The following SPIDR variants were observed in gnomAD, a reference collection of about 807,000 sequenced individuals.
SPIDR encodes DNA repair-scaffolding protein.
Under a neutral mutation model 104.6 loss-of-function variants are expected in SPIDR, and 93 were observed. The observed-to-expected ratio is 0.89, with a 90% CI of 0.75 to 1.06. The LOEUF (loss-of-function observed/expected upper bound fraction) is 1.06. SPIDR is among the 50% of genes least tolerant of loss of function. The pLI, the probability that SPIDR is intolerant of heterozygous loss-of-function variation, is 0.00. For missense variants in SPIDR, 1,154 were observed against 1,111.2 expected (o/e 1.04, Z -0.55); for synonymous variants, 431 against 416.9 (o/e 1.03, Z -0.41).
intron 5 of SPIDR, among the ~76,000 whole-genome samples, chr8:47,383,795 A>T (rs907136691): frequency 6.6e-6 from 1 of 152,184 alleles, no homozygotes; most frequent in African/African-American, 2.4e-5. Context: ...GTAAAACTAT[A>T]TATTTGTGTT....
At chr8:47,614,993 C>T (rs2064103315) in intron 10 of SPIDR, among the ~76,000 whole-genome samples, 1 of 151,986 alleles carries the variant, frequency 6.6e-6, no homozygotes, top group African/African-American at 2.4e-5. Context: ...AATATACATG[C>T]TTTGCGAAAT....
At chr8:47,607,677 G>A (rs1047322313) in intron 10 of SPIDR, among the ~76,000 whole-genome samples, 6 of 151,204 alleles carry the variant, frequency 4.0e-5, no homozygotes, top group African/African-American at 9.7e-5. Flanking sequence ...TTTCTCCACT[G>A]TCCAAACACA....
At chr8:47,502,177 C>A (rs1482062270) in intron 8 of SPIDR, among the ~76,000 whole-genome samples, 7 of 152,108 alleles carry the variant, frequency 4.6e-5, no homozygotes, top group Non-Finnish European at 1.0e-4. Context: ...GGGACGATTC[C>A]CTCTTTTTCT....
intron 8 of SPIDR, chr8:47,512,218 C>G: frequency 3.0e-6 from 1 of 329,962 alleles, no homozygotes; most frequent in Non-Finnish European, 5.8e-6. Context: ...GGACTTTTGT[C>G]TTTCTCCTGA....
At chr8:47,327,355 C>A (rs2047837806) in intron 5 of SPIDR, among the ~76,000 whole-genome samples, 1 of 149,386 alleles carries the variant, frequency 6.7e-6, no homozygotes, top group Non-Finnish European at 1.5e-5. Flanking sequence ...ATATGACTGG[C>A]AAATGTTTTC....
intron 1 of SPIDR, among the ~76,000 whole-genome samples, chr8:47,261,668 A>G (rs1317346401): frequency 2.0e-5 from 3 of 152,264 alleles, no homozygotes; most frequent in African/African-American, 4.8e-5. Context: ...AAGCAAACAC[A>G]GGACCTCCTT....
At chr8:47,691,127 A>G (rs1479331448) in intron 11 of SPIDR, among the ~76,000 whole-genome samples, 1 of 151,680 alleles carries the variant, frequency 6.6e-6, no homozygotes, top group Non-Finnish European at 1.5e-5. Flanking sequence ...CCCCATCTCT[A>G]CTAAAAATAC....
intron 7 of SPIDR, among the ~76,000 whole-genome samples, chr8:47,429,668 A>G (rs782619743): frequency 4.6e-5 from 7 of 152,056 alleles, no homozygotes; most frequent in Non-Finnish European, 1.0e-4. Flanking sequence ...TCTGGTCCAA[A>G]CTTGGCCAGG....
At chr8:47,495,388 C>CAA (rs111275214) in intron 8 of SPIDR, among the ~76,000 whole-genome samples, 2 of 135,660 alleles carry the variant, frequency 1.5e-5, no homozygotes, top group Non-Finnish European at 1.6e-5. Flanking sequence ...CCCTCCCACC[C>CAA]AAAAAAAAAA....
At chr8:47,348,654 C>T (rs1311401527) in intron 5 of SPIDR, among the ~76,000 whole-genome samples, 1 of 152,130 alleles carries the variant, frequency 6.6e-6, no homozygotes, top group Admixed American at 6.5e-5. Context: ...TTGTTCGTTT[C>T]TTTTTACTCT....
intron 5 of SPIDR, among the ~76,000 whole-genome samples, chr8:47,377,584 C>G (rs138407964): frequency 9.2e-5 from 14 of 152,292 alleles, no homozygotes; most frequent in African/African-American, 2.9e-4. Flanking sequence ...GATTTTTATT[C>G]TGATTCAGTT....
chr8:47,502,251 G>C (rs897656107), intron 8 of SPIDR, among the ~76,000 whole-genome samples: 1 of 152,146 alleles, frequency 6.6e-6, no homozygotes, highest in Non-Finnish European at 1.5e-5. Context: ...ATAGAATTCG[G>C]CTGTGAATCC....
chr8:47,592,680 T>C (rs2154420484), intron 8 of SPIDR: 2 of 719,980 alleles, frequency 2.8e-6, no homozygotes, highest in Non-Finnish European at 4.7e-6. Context: ...GTAGAAGTCC[T>C]CCCTCCCTAT....
chr8:47,414,811 CAT>C (rs1362332620), intron 7 of SPIDR, among the ~76,000 whole-genome samples: 2 of 152,112 alleles, frequency 1.3e-5, no homozygotes, highest in Non-Finnish European at 2.9e-5. Flanking sequence ...TTTGAGTGAA[CAT>C]ATGTTTTTAT....
At chr8:47,393,723 CTTT>C in intron 5 of SPIDR, among the ~76,000 whole-genome samples, 1 of 75,552 alleles carries the variant, frequency 1.3e-5, no homozygotes, top group South Asian at 3.6e-4. Flanking sequence ...CTTTCCTTTC[CTTT>C]CCTTTCCTTC....
chr8:47,689,038 G>A (rs2078243186), intron 11 of SPIDR, among the ~76,000 whole-genome samples: 1 of 152,140 alleles, frequency 6.6e-6, no homozygotes, highest in Non-Finnish European at 1.5e-5. Flanking sequence ...CTTTTGGGGT[G>A]TTGAGCTTTA....
intron 8 of SPIDR, among the ~76,000 whole-genome samples, chr8:47,518,019 A>G (rs535077665): frequency 1.3e-5 from 2 of 152,316 alleles, no homozygotes; most frequent in South Asian, 4.1e-4. Flanking sequence ...TTAAGCTAAT[A>G]TACATTCTGT....
intron 1 of SPIDR, among the ~76,000 whole-genome samples, chr8:47,273,344 G>A (rs1339722229): frequency 6.6e-6 from 1 of 152,188 alleles, no homozygotes; most frequent in Non-Finnish European, 1.5e-5. Flanking sequence ...AAGGTATTCA[G>A]TAGAAGCAGA....
intron 6 of SPIDR, among the ~76,000 whole-genome samples, chr8:47,401,711 C>G (rs1359545853): frequency 6.6e-6 from 1 of 151,964 alleles, no homozygotes; most frequent in Non-Finnish European, 1.5e-5. Flanking sequence ...AGACTTTAAG[C>G]CAACAAAGAT....
Sources: allele counts gnomAD v4.1 joint callset (sites outside exome capture counted in the v4.1 genomes callset), GRCh38; gene constraint gnomAD v4.1.1; transcripts MANE v1.5; gene names NCBI Gene and HGNC (gene_info 2026-07-23, HGNC 2026-07-21).